ALG9: variants seen among roughly 807,000 people sequenced by gnomAD.
The protein encoded by ALG9 is ALG9 alpha-1,2-mannosyltransferase.
In ALG9, 55 loss-of-function variants were observed where a neutral mutation model predicts 81.8. The observed-to-expected ratio is 0.67, with a 90% CI of 0.54 to 0.84. ALG9 has a LOEUF of 0.84. ALG9 is among the 40% of genes least tolerant of loss of function. The pLI, the probability that ALG9 is intolerant of heterozygous loss-of-function variation, is 0.00. For missense variants in ALG9, 629 were observed against 745.0 expected, an observed-to-expected ratio of 0.84 and a Z score of 1.81; for synonymous variants, 278 against 274.3, an observed-to-expected ratio of 1.01 and a Z score of -0.13.
chr11:111,818,529 T>G (rs1951858641), intron 13 of ALG9, among the ~76,000 whole-genome samples: 1 of 152,218 alleles, frequency 6.6e-6, no homozygotes, highest in East Asian at 1.9e-4. Context: ...CATTCCCTGT[T>G]GTCCCCTCAT....
At chr11:111,843,329 C>T (rs1956501395) in intron 9 of ALG9, among the ~76,000 whole-genome samples, 1 of 152,120 alleles carries the variant, frequency 6.6e-6, no homozygotes, top group African/African-American at 2.4e-5. Flanking sequence ...CAGTACGTGA[C>T]CCTTGTTGAG....
chr11:111,860,542 C>G lies in ALG9; in HGVS notation c.565+5G>C, dbSNP rs782191685. On this transcript the variant is annotated splice_donor_5th_base_variant and intron_variant, in intron 5 of 14. Transcript: ENST00000616540. ...TGCAATTCCCTCATCTGCCCTTTTA[C>G]TTACCTGATGATGAGCAAAACATGC... 4 of 1,613,666 alleles carry G rather than the reference C, an allele frequency of 2.5e-6. No homozygotes were observed. The South Asian group carries it at 4.4e-5, about 18-fold the overall frequency.
intron 8 of ALG9, among the ~76,000 whole-genome samples, chr11:111,848,558 C>A (rs1461798393): frequency 6.8e-6 from 1 of 148,014 alleles, no homozygotes; most frequent in African/African-American, 2.5e-5. Context: ...CCACTGCACT[C>A]CAGCCTGGGC....
At chr11:111,839,183 G>T (rs1955812052) in intron 10 of ALG9, among the ~76,000 whole-genome samples, 1 of 151,968 alleles carries the variant, frequency 6.6e-6, no homozygotes, top group Non-Finnish European at 1.5e-5. Flanking sequence ...ATAAAGTCAA[G>T]TCAATATATT....
In ALG9 at chr11:111,783,618, T is replaced by C. The variant is rs550984080; in HGVS notation, c.*2779A>G. 7 of 152,340 alleles carry C rather than the reference T, an allele frequency of 4.6e-5. No individual in the cohort carries two copies. Among genetic ancestry groups the C allele is most frequent in the African/African-American group, 1.7e-4 (7 of 41,578 alleles). The allele number at this position is 152,340 out of a possible 1,614,324, so 9.4% of individuals were successfully genotyped here. ...AGAACTGCTACTCTGAGCAGGTGTG[T>C]TGAAACTGTTTTTCCCAGGCAAAGC... On this transcript the variant is annotated 3_prime_UTR_variant, in exon 15 of 15. Transcript: ENST00000616540.
the ALG9 span, among the ~76,000 whole-genome samples, chr11:111,771,960 C>A: frequency 6.6e-6 from 1 of 152,084 alleles, no homozygotes; most frequent in Non-Finnish European, 1.5e-5. Context: ...GGGACTTTAC[C>A]TGATGTCCCA....
chr11:111,866,485 C>A (rs1962500403), intron 3 of ALG9, among the ~76,000 whole-genome samples: 2 of 152,020 alleles, frequency 1.3e-5, no homozygotes, highest in Non-Finnish European at 2.9e-5. Context: ...AACAACCATC[C>A]TTCTCTACTC....
Position 111,853,650 on chromosome 11 carries a change from A to G in ALG9, c.788T>C (p.Leu263Pro). The part of the protein sequence containing the change: ...HWSLMALILF[L>P]VPVVVIDSYY... ...AAGCAAGTAAAAAAGAAAACTCACC[A>G]GAAATAGTATGAGGGCCATCAGCGA... Residue 263 changes from leucine to proline, a missense_variant and splice_region_variant, in exon 7 of 15, where the codon CTG becomes CCG. Transcript: ENST00000616540. 1 of 1,613,956 alleles carries G rather than the reference A, an allele frequency of 6.2e-7. No homozygotes were observed. The highest frequency in any genetic ancestry group is 8.5e-7 in the Non-Finnish European group (1 of 1,179,870).
intron 9 of ALG9, among the ~76,000 whole-genome samples, chr11:111,844,000 T>C (rs1454495870): frequency 2.0e-5 from 3 of 152,204 alleles, no homozygotes; most frequent in African/African-American, 7.2e-5. Flanking sequence ...AATAGGCTTG[T>C]TCTCTTCTGA....
At chr11:111,869,834 C>T (rs1963698385) in intron 2 of ALG9, among the ~76,000 whole-genome samples, 1 of 152,096 alleles carries the variant, frequency 6.6e-6, no homozygotes, top group Admixed American at 6.6e-5. Flanking sequence ...TTTTTTGAGA[C>T]AGAGTCTCGC....
intron 14 of ALG9, among the ~76,000 whole-genome samples, chr11:111,805,789 T>C (rs1555084632): frequency 6.6e-6 from 1 of 152,200 alleles, no homozygotes; most frequent in Non-Finnish European, 1.5e-5. Flanking sequence ...TAATGTAAAC[T>C]GTGGGCTTTG....
At chr11:111,857,465 T>A in intron 6 of ALG9, 137 bp downstream of exon 6, 1 of 1,132,400 alleles carries the variant, frequency 8.8e-7, no homozygotes, top group Non-Finnish European at 1.3e-6. Flanking sequence ...CTAAGAGAAA[T>A]ATTCTTCCAT....
At chr11:111,828,313 G>C (rs552665398) in intron 13 of ALG9, among the ~76,000 whole-genome samples, 3 of 152,314 alleles carry the variant, frequency 2.0e-5, no homozygotes, top group African/African-American at 7.2e-5. Flanking sequence ...ATGATTACGG[G>C]ACAGACAAGG....
chr11:111,808,080 G>A (rs1005367713), intron 14 of ALG9, among the ~76,000 whole-genome samples: 2 of 152,104 alleles, frequency 1.3e-5, no homozygotes, highest in Non-Finnish European at 1.5e-5. Context: ...AAAAATTTTT[G>A]TTGCTGTTGT....
intron 13 of ALG9, among the ~76,000 whole-genome samples, chr11:111,812,169 T>C (rs782474755): frequency 2.0e-5 from 3 of 152,212 alleles, no homozygotes; most frequent in Non-Finnish European, 4.4e-5. Flanking sequence ...ATAAATTAAA[T>C]ATAATGTCAA....
intron 5 of ALG9, among the ~76,000 whole-genome samples, chr11:111,859,481 C>G (rs1959230797): frequency 6.8e-6 from 1 of 146,388 alleles, no homozygotes; most frequent in East Asian, 2.0e-4. Flanking sequence ...CCAGCCTGGG[C>G]AAACAGAGCG....
chr11:111,818,889 C>T (rs12276232), intron 13 of ALG9, among the ~76,000 whole-genome samples: 48 of 151,844 alleles, frequency 3.2e-4, no homozygotes, highest in African/African-American at 1.1e-3. Flanking sequence ...AGAAGAGAGA[C>T]AAAAAACAAA....
chr11:111,870,041 A>T (rs2137289561), intron 2 of ALG9, among the ~76,000 whole-genome samples, 191 bp downstream of exon 2: 1 of 149,516 alleles, frequency 6.7e-6, no homozygotes, highest in African/African-American at 2.5e-5. Flanking sequence ...CGAATTTCTG[A>T]CCTCAGGCAA....
At chr11:111,855,808 G>A (rs1940612366) in intron 6 of ALG9, among the ~76,000 whole-genome samples, 2 of 152,104 alleles carry the variant, frequency 1.3e-5, no homozygotes, top group South Asian at 2.1e-4. Flanking sequence ...ACAATCCTGA[G>A]GAACATGAAA....
Sources: allele counts gnomAD v4.1 joint callset (sites outside exome capture counted in the v4.1 genomes callset), GRCh38; gene constraint gnomAD v4.1.1; transcripts MANE v1.5; gene names NCBI Gene and HGNC (gene_info 2026-07-23, HGNC 2026-07-21).